CNTN5: variants seen among roughly 807,000 people sequenced by gnomAD.
The protein encoded by CNTN5 is contactin 5.
In CNTN5, 77 loss-of-function variants were observed where a neutral mutation model predicts 129.1. The observed-to-expected ratio is 0.60, with a 90% CI of 0.50 to 0.72. CNTN5 has a LOEUF of 0.72. CNTN5 is among the 30% of genes least tolerant of loss of function. The probability of loss-of-function intolerance (pLI) is 0.00; values close to 1 mark genes in which losing one functional copy is unlikely to be tolerated. For synonymous variants in CNTN5, 509 were observed against 465.6 expected (o/e 1.09, Z -1.20); for missense variants, 1,478 against 1,328.8 (o/e 1.11, Z -1.75).
intron 3 of CNTN5, among the ~76,000 whole-genome samples, chr11:99,652,254 T>C (rs57783929): frequency 6.6e-6 from 1 of 152,016 alleles, no homozygotes; most frequent in Non-Finnish European, 1.5e-5. Context: ...CCTCAGGCCT[T>C]AGTCATATAG....
At chr11:99,676,136 T>C (rs964265738) in intron 3 of CNTN5, among the ~76,000 whole-genome samples, 3 of 151,876 alleles carry the variant, frequency 2.0e-5, no homozygotes, top group African/African-American at 2.4e-5. Flanking sequence ...TTGCTATTCA[T>C]ATTGTGATTT....
At chr11:99,683,959 ATACTT>A (rs1205801731) in intron 3 of CNTN5, among the ~76,000 whole-genome samples, 5 of 151,850 alleles carry the variant, frequency 3.3e-5, no homozygotes, top group African/African-American at 7.3e-5. Flanking sequence ...GACGGAAACA[ATACTT>A]AAATTGTACT....
intron 3 of CNTN5, among the ~76,000 whole-genome samples, chr11:99,795,121 T>C (rs1001248548): frequency 6.6e-6 from 1 of 151,980 alleles, no homozygotes; most frequent in Non-Finnish European, 1.5e-5. Flanking sequence ...TGTTCATTCT[T>C]CTTCATTCTT....
At chr11:99,669,400 A>G (rs2135941040) in intron 3 of CNTN5, among the ~76,000 whole-genome samples, 1 of 152,116 alleles carries the variant, frequency 6.6e-6, no homozygotes, top group African/African-American at 2.4e-5. Flanking sequence ...AGGAAAGCCT[A>G]GATGAGCAGT....
At chr11:99,986,666 CT>C (rs1938698307) in intron 8 of CNTN5, among the ~76,000 whole-genome samples, 1 of 152,100 alleles carries the variant, frequency 6.6e-6, no homozygotes, top group Admixed American at 6.6e-5. Context: ...AACTTCCATC[CT>C]TTTTTTCTCT....
At chr11:99,074,396 C>T (rs1490826043) in intron 1 of CNTN5, among the ~76,000 whole-genome samples, 1 of 152,126 alleles carries the variant, frequency 6.6e-6, no homozygotes, top group Non-Finnish European at 1.5e-5. Context: ...TCCAATTAGT[C>T]AATTTTGGCT....
chr11:99,964,794 T>A (rs1254424616), intron 8 of CNTN5, among the ~76,000 whole-genome samples: 1 of 151,938 alleles, frequency 6.6e-6, no homozygotes, highest in Admixed American at 6.6e-5. Context: ...GGTCCTGGAC[T>A]TTTTTTTGGT....
At chr11:99,452,009 T>A (rs1472869146) in intron 2 of CNTN5, among the ~76,000 whole-genome samples, 7 of 152,244 alleles carry the variant, frequency 4.6e-5, no homozygotes, top group South Asian at 2.1e-4. Context: ...GTGTTCAAAC[T>A]TCACAGTAAA....
At chr11:99,830,224 T>G (rs1442567791) in intron 4 of CNTN5, among the ~76,000 whole-genome samples, 2 of 152,154 alleles carry the variant, frequency 1.3e-5, no homozygotes, top group African/African-American at 2.4e-5. Flanking sequence ...ATTATTTTTC[T>G]ACTAAGGCTA....
At chr11:100,077,123 G>C (rs1452962962) in intron 13 of CNTN5, among the ~76,000 whole-genome samples, 1 of 152,094 alleles carries the variant, frequency 6.6e-6, no homozygotes, top group Non-Finnish European at 1.5e-5. Context: ...GGAAATTTTA[G>C]ATTGCTTTTC....
chr11:100,009,156 G>A (rs966464866), intron 9 of CNTN5, among the ~76,000 whole-genome samples: 1 of 152,040 alleles, frequency 6.6e-6, no homozygotes, highest in Non-Finnish European at 1.5e-5. Context: ...AAAGCCATAA[G>A]CTGCAAGCTT....
At chr11:99,088,031 G>C (rs1866071214) in intron 1 of CNTN5, among the ~76,000 whole-genome samples, 1 of 152,168 alleles carries the variant, frequency 6.6e-6, no homozygotes, top group Non-Finnish European at 1.5e-5. Context: ...CAAAATATAT[G>C]TGGCTAATGT....
chr11:99,499,378 T>C (rs915805317), intron 2 of CNTN5, among the ~76,000 whole-genome samples: 3 of 152,106 alleles, frequency 2.0e-5, no homozygotes, highest in African/African-American at 7.2e-5. Flanking sequence ...TTAAGGCCCT[T>C]AAGAAAGCAT....
chr11:99,559,090 CT>C (rs1211232524), intron 3 of CNTN5, among the ~76,000 whole-genome samples: 2 of 151,966 alleles, frequency 1.3e-5, no homozygotes, highest in Non-Finnish European at 2.9e-5. Context: ...CTATATTGCC[CT>C]CACTATTTTA....
At chr11:99,106,166 C>T (rs963038192) in intron 1 of CNTN5, among the ~76,000 whole-genome samples, 4 of 151,876 alleles carry the variant, frequency 2.6e-5, no homozygotes, top group Admixed American at 2.6e-4. Flanking sequence ...GAAGGATTTG[C>T]CCAAAGTCTA....
intron 6 of CNTN5, among the ~76,000 whole-genome samples, chr11:99,866,928 A>G (rs1229402884): frequency 6.6e-6 from 1 of 152,178 alleles, no homozygotes; most frequent in Non-Finnish European, 1.5e-5. Flanking sequence ...AGAGACAGAC[A>G]TGCTTGGGTT....
chr11:99,399,824 T>G (rs1941705193), intron 2 of CNTN5, among the ~76,000 whole-genome samples: 1 of 151,978 alleles, frequency 6.6e-6, no homozygotes, highest in Admixed American at 6.6e-5. Flanking sequence ...ATTTTTATTT[T>G]TAATTTCTTT....
intron 2 of CNTN5, among the ~76,000 whole-genome samples, chr11:99,378,886 C>T (rs1288528785): frequency 6.6e-6 from 1 of 151,874 alleles, no homozygotes; most frequent in Non-Finnish European, 1.5e-5. Flanking sequence ...AAGAATATGG[C>T]AATGGGAGAG....
At chr11:100,074,064 G>A (rs1944031070) in intron 12 of CNTN5, 80 bp from the exon 13 acceptor site, 11 of 1,341,968 alleles carry the variant, frequency 8.2e-6, no homozygotes, top group Non-Finnish European at 1.0e-5. Flanking sequence ...AGAAGAAAAA[G>A]TTACAAGATC....
Sources: gnomAD v4.1 joint callset for allele counts (sites outside exome capture counted in the v4.1 genomes callset) on GRCh38, gnomAD v4.1.1 for gene constraint, MANE v1.5 for transcripts, NCBI Gene and HGNC (gene_info 2026-07-23, HGNC 2026-07-21) for gene names.